The following RBFOX1 variants were observed in gnomAD, a reference collection of about 807,000 sequenced individuals.
The protein encoded by RBFOX1 is RNA binding fox-1 homolog 1.
In RBFOX1, 8 loss-of-function variants were observed where a neutral mutation model predicts 57.7. That is an observed-to-expected ratio of 0.14 (90% CI 0.08 to 0.25). The LOEUF is 0.25. RBFOX1 is among the 10% of genes least tolerant of loss of function. The pLI is 1.00. For synonymous variants in RBFOX1, 326 were observed against 222.4 expected, an observed-to-expected ratio of 1.47 and a Z score of -4.15; for missense variants, 611 against 548.5, an observed-to-expected ratio of 1.11 and a Z score of -1.14.
chr16:7,436,573 A>G (rs192391910), intron 4 of RBFOX1, among the ~76,000 whole-genome samples: 2 of 152,338 alleles, frequency 1.3e-5, no homozygotes, highest in African/African-American at 4.8e-5. Context: ...TTAAAGATGC[A>G]TAAACTGAGG....
downstream of RBFOX1, among the ~76,000 whole-genome samples, chr16:5,602,609 G>A (rs911409522): frequency 6.6e-6 from 1 of 152,204 alleles, no homozygotes; most frequent in Non-Finnish European, 1.5e-5. Flanking sequence ...CTTTCTCTGA[G>A]TGCAGAGAGA....
intron 4 of RBFOX1, among the ~76,000 whole-genome samples, chr16:7,434,736 A>ATTTTTTTT (rs71147698): frequency 1.4e-5 from 2 of 148,002 alleles, no homozygotes. Flanking sequence ...TCTTGTTAAC[A>ATTTTTTTT]TTTTTTTTTT....
At chr16:7,308,263 G>C (rs2096238222) in intron 4 of RBFOX1, among the ~76,000 whole-genome samples, 1 of 149,396 alleles carries the variant, frequency 6.7e-6, no homozygotes, top group South Asian at 2.1e-4. Context: ...TTCGTTTTCT[G>C]ATGCAAACTG....
At chr16:6,840,046 A>C (rs1212798399) in intron 3 of RBFOX1, among the ~76,000 whole-genome samples, 1 of 152,190 alleles carries the variant, frequency 6.6e-6, no homozygotes, top group Admixed American at 6.5e-5. Flanking sequence ...AATAAAACAA[A>C]AATCCGTGAG....
intron 1 of RBFOX1, among the ~76,000 whole-genome samples, chr16:5,264,192 G>C (rs1251127363): frequency 2.0e-5 from 3 of 152,178 alleles, no homozygotes; most frequent in African/African-American, 7.2e-5. Flanking sequence ...AGCTAGAGTG[G>C]CGATGTTAGG....
intron 4 of RBFOX1, among the ~76,000 whole-genome samples, chr16:7,163,381 G>T (rs936722280): frequency 6.6e-6 from 1 of 152,100 alleles, no homozygotes; most frequent in African/African-American, 2.4e-5. Context: ...TTGGAAAATG[G>T]CACACAGTTG....
In RBFOX1 at chr16:6,882,050, A is replaced by T. The variant is rs76163916; in HGVS notation, c.-15-170007A>T. ...AGACTTCATTTCTGGAAAAATGGTG[A>T]TGTCAGTCTTCCTGCTTAATATTTC... is the stretch of plus-strand genomic sequence containing the variant. On this transcript the variant is annotated intron_variant, in intron 3 of 15. Transcript: ENST00000550418. 4.7e-3 allele frequency among the ~76,000 whole-genome samples: 709 copies of T among 152,298 alleles called. 3 individuals carry two copies. The highest frequency in any genetic ancestry group is 0.016 in the African/African-American group (680 of 41,568).
intron 3 of RBFOX1, among the ~76,000 whole-genome samples, chr16:5,676,798 GT>G (rs1303137821): frequency 1.3e-5 from 2 of 152,146 alleles, no homozygotes; most frequent in African/African-American, 4.8e-5. Context: ...GGAGACAAAG[GT>G]TGCAGTGATC....
chr16:7,650,483 G>A (rs983187072), intron 11 of RBFOX1, among the ~76,000 whole-genome samples: 3 of 152,094 alleles, frequency 2.0e-5, no homozygotes, highest in Non-Finnish European at 4.4e-5. Flanking sequence ...TAAATATCCT[G>A]CCTCAGGAAA....
At chr16:5,338,131 G>T (rs1596565268) in intron 1 of RBFOX1, among the ~76,000 whole-genome samples, 1 of 151,348 alleles carries the variant, frequency 6.6e-6, no homozygotes, top group East Asian at 2.0e-4. Flanking sequence ...CTGCTGCTGG[G>T]TACTGTGGTT....
intron 4 of RBFOX1, among the ~76,000 whole-genome samples, chr16:7,184,812 A>G (rs777803263): frequency 5.9e-5 from 9 of 152,126 alleles, no homozygotes; most frequent in Non-Finnish European, 1.0e-4. Flanking sequence ...TCAACTCAGA[A>G]CTTTAGAGGA....
chr16:6,992,810 C>A (rs541054762), intron 3 of RBFOX1, among the ~76,000 whole-genome samples: 1 of 138,742 alleles, frequency 7.2e-6, no homozygotes, highest in South Asian at 2.3e-4. Context: ...ATGGCCATGG[C>A]CCAGAAAGGC....
intron 2 of RBFOX1, among the ~76,000 whole-genome samples, chr16:6,648,744 CAG>C (rs1289527536): frequency 6.6e-6 from 1 of 152,164 alleles, no homozygotes; most frequent in Non-Finnish European, 1.5e-5. Flanking sequence ...CAGAAGCAGA[CAG>C]AGAGCTGCTT....
intron 3 of RBFOX1, among the ~76,000 whole-genome samples, chr16:5,646,259 T>G (rs560926714): frequency 1.8e-4 from 27 of 150,736 alleles, no homozygotes; most frequent in African/African-American, 6.1e-4. Context: ...TCTCTTGACC[T>G]TGTGATCCGC....
At chr16:6,901,444 G>A (rs781390121) in intron 3 of RBFOX1, among the ~76,000 whole-genome samples, 7 of 152,148 alleles carry the variant, frequency 4.6e-5, no homozygotes, top group Non-Finnish European at 7.4e-5. Flanking sequence ...AGAGGTCAAA[G>A]GGTGCCTGGC....
intron 4 of RBFOX1, among the ~76,000 whole-genome samples, chr16:7,219,316 A>G (rs879028530): frequency 2.6e-5 from 4 of 152,334 alleles, no homozygotes; most frequent in Admixed American, 2.6e-4. Context: ...AAATAAATAG[A>G]GATGCTTTTA....
chr16:6,847,592 G>C (rs1161546242), intron 3 of RBFOX1, among the ~76,000 whole-genome samples: 3 of 152,022 alleles, frequency 2.0e-5, no homozygotes, highest in African/African-American at 7.2e-5. Context: ...AAGTTGCATG[G>C]CAAAGGGAGT....
At chr16:5,318,132 TTTA>T (rs1437117775) in intron 1 of RBFOX1, among the ~76,000 whole-genome samples, 2 of 151,816 alleles carry the variant, frequency 1.3e-5, no homozygotes, top group Admixed American at 6.6e-5. Flanking sequence ...ACTGTTTTTT[TTTA>T]TTATTATTTT....
chr16:7,302,388 G>A (rs972496587), intron 4 of RBFOX1, among the ~76,000 whole-genome samples: 6 of 152,122 alleles, frequency 3.9e-5, no homozygotes, highest in African/African-American at 1.4e-4. Flanking sequence ...CTGATGGCTG[G>A]GTTCAGAGCC....
Sources: gnomAD v4.1 joint callset for allele counts (sites outside exome capture counted in the v4.1 genomes callset) on GRCh38, gnomAD v4.1.1 for gene constraint, MANE v1.5 for transcripts, NCBI Gene and HGNC (gene_info 2026-07-23, HGNC 2026-07-21) for gene names.